The following SLC25A21 variants were observed in gnomAD, a reference collection of about 807,000 sequenced individuals.
SLC25A21 encodes the protein solute carrier family 25 member 21.
In SLC25A21, 47 loss-of-function variants were observed where a neutral mutation model predicts 43.8. That is an observed-to-expected ratio of 1.07 (90% CI 0.85 to 1.37). The LOEUF is 1.37. Ranked by LOEUF, SLC25A21 falls within the 40% of genes most tolerant of loss-of-function variation. The probability of loss-of-function intolerance (pLI) is 0.00; values close to 1 mark genes in which losing one functional copy is unlikely to be tolerated. For synonymous variants in SLC25A21, 131 were observed against 121.3 expected (o/e 1.08, Z -0.52); for missense variants, 352 against 350.2 (o/e 1.00, Z -0.04).
intron 1 of SLC25A21, among the ~76,000 whole-genome samples, chr14:36,899,587 C>T (rs926145208): frequency 2.6e-5 from 4 of 152,196 alleles, no homozygotes; most frequent in African/African-American, 9.7e-5. Context: ...TGAGGTTTCT[C>T]TTGCCTTGCA....
At chr14:36,928,895 G>A (rs1455672316) in intron 1 of SLC25A21, among the ~76,000 whole-genome samples, 2 of 151,988 alleles carry the variant, frequency 1.3e-5, no homozygotes, top group East Asian at 1.9e-4. Context: ...GTACTTAAAG[G>A]GAATTGAAGA....
chr14:37,119,003 G>C (rs1963156342), intron 1 of SLC25A21, among the ~76,000 whole-genome samples: 1 of 152,060 alleles, frequency 6.6e-6, no homozygotes, highest in Non-Finnish European at 1.5e-5. Context: ...TAAGAAGCTG[G>C]CCAAATCCAA....
At chr14:36,971,932 A>AATTT (rs1959759913) in intron 1 of SLC25A21, among the ~76,000 whole-genome samples, 1 of 152,194 alleles carries the variant, frequency 6.6e-6, no homozygotes, top group African/African-American at 2.4e-5. Context: ...TGTGTTAAGA[A>AATTT]GAGGACACAA....
chr14:36,942,489 T>C (rs1892587314), intron 1 of SLC25A21, among the ~76,000 whole-genome samples: 1 of 152,204 alleles, frequency 6.6e-6, no homozygotes, highest in African/African-American at 2.4e-5. Context: ...TATTTTAATC[T>C]ATGCTTTCTA....
intron 1 of SLC25A21, among the ~76,000 whole-genome samples, chr14:37,015,816 GT>G (rs1385437247): frequency 3.3e-5 from 5 of 152,128 alleles, no homozygotes; most frequent in Non-Finnish European, 5.9e-5. Context: ...TTTTTCATGT[GT>G]TTTTTGGCTG....
intron 3 of SLC25A21, among the ~76,000 whole-genome samples, chr14:36,804,367 T>A (rs940852302): frequency 2.0e-5 from 3 of 152,168 alleles, no homozygotes; most frequent in Non-Finnish European, 4.4e-5. Context: ...AGGCAGCATA[T>A]TAAAAGATGA....
At chr14:37,088,289 C>T (rs2138847139) in intron 1 of SLC25A21, among the ~76,000 whole-genome samples, 1 of 152,164 alleles carries the variant, frequency 6.6e-6, no homozygotes, top group East Asian at 1.9e-4. Flanking sequence ...ACAGCTGTTG[C>T]TTTTATAGGA....
intron 1 of SLC25A21, among the ~76,000 whole-genome samples, chr14:36,956,362 GAAATCTAATAAAACCTCTCGTAGA>G (rs1959341333): frequency 6.6e-6 from 1 of 152,156 alleles, no homozygotes; most frequent in African/African-American, 2.4e-5. Flanking sequence ...ACCAGTTAAG[GAAATCTAATAAAACCTCTCGTAGA>G]AATGGTGTAA....
chr14:37,082,127 C>G (rs1962399968), intron 1 of SLC25A21, among the ~76,000 whole-genome samples: 3 of 152,152 alleles, frequency 2.0e-5, no homozygotes, highest in Admixed American at 2.0e-4. Context: ...CAAATTAACA[C>G]AGGAACAGAA....
intron 1 of SLC25A21, among the ~76,000 whole-genome samples, chr14:37,129,382 A>T (rs961333403): frequency 6.6e-6 from 1 of 152,142 alleles, no homozygotes; most frequent in African/African-American, 2.4e-5. Flanking sequence ...GTGCAGTTCC[A>T]TTTGTCTGGA....
intron 1 of SLC25A21, among the ~76,000 whole-genome samples, chr14:36,960,028 C>A (rs925027466): frequency 1.3e-5 from 2 of 152,018 alleles, no homozygotes; most frequent in Non-Finnish European, 2.9e-5. Flanking sequence ...GGACTGTTCC[C>A]CATAAAATGA....
At chr14:36,901,504 C>A (rs1302176983) in intron 1 of SLC25A21, among the ~76,000 whole-genome samples, 1 of 152,096 alleles carries the variant, frequency 6.6e-6, no homozygotes, top group Non-Finnish European at 1.5e-5. Flanking sequence ...TATAAATGAA[C>A]TGCATTTAAA....
chr14:36,875,116 C>A, intron 1 of SLC25A21, 112 bp from the exon 2 acceptor site: 2 of 700,522 alleles, frequency 2.9e-6, no homozygotes, highest in South Asian at 2.2e-5. Flanking sequence ...CTTGGGACTT[C>A]GGATATGACA....
At chr14:36,948,162 A>G (rs530045989) in intron 1 of SLC25A21, among the ~76,000 whole-genome samples, 3 of 152,288 alleles carry the variant, frequency 2.0e-5, no homozygotes, top group African/African-American at 4.8e-5. Context: ...TCCCTGACAA[A>G]TATAACTAGA....
At chr14:37,100,243 G>T (rs1962791405) in intron 1 of SLC25A21, among the ~76,000 whole-genome samples, 1 of 152,042 alleles carries the variant, frequency 6.6e-6, no homozygotes, top group East Asian at 1.9e-4. Context: ...ATTTTTAGTA[G>T]AGATGGGGTT....
At chr14:37,102,561 T>C (rs1382027151) in intron 1 of SLC25A21, among the ~76,000 whole-genome samples, 1 of 152,066 alleles carries the variant, frequency 6.6e-6, no homozygotes, top group Admixed American at 6.6e-5. Flanking sequence ...GCTGGGGAAA[T>C]GTTAAGAAGG....
chr14:36,770,486 T>A (rs1886579332), intron 3 of SLC25A21, among the ~76,000 whole-genome samples: 1 of 152,156 alleles, frequency 6.6e-6, no homozygotes, highest in Non-Finnish European at 1.5e-5. Flanking sequence ...ACATGTACAG[T>A]AACAAGCCTG....
chr14:36,926,641 C>T (rs752347963), intron 1 of SLC25A21, among the ~76,000 whole-genome samples: 2 of 152,104 alleles, frequency 1.3e-5, no homozygotes, highest in Admixed American at 6.5e-5. Context: ...AGTGTTTGGA[C>T]GAGGACACTC....
At chr14:36,684,623 T>A in intron 8 of SLC25A21, 121 bp downstream of exon 8, 2 of 865,460 alleles carry the variant, frequency 2.3e-6, no homozygotes, top group Middle Eastern at 3.6e-4. Context: ...ATATTCGCAG[T>A]TTCTTAGACA....
Sources: gnomAD v4.1 joint callset for allele counts (sites outside exome capture counted in the v4.1 genomes callset) on GRCh38, gnomAD v4.1.1 for gene constraint, MANE v1.5 for transcripts, NCBI Gene and HGNC (gene_info 2026-07-23, HGNC 2026-07-21) for gene names.